Variants in KIF6 observed in about 807,000 individuals in gnomAD.
The protein encoded by KIF6 is kinesin-like protein KIF6.
A neutral mutation model predicts 112.7 loss-of-function variants in KIF6; 106 were observed. The observed-to-expected ratio is 0.94, with a 90% confidence interval of 0.80 to 1.11. KIF6 has a LOEUF of 1.11. Among genes scored for constraint, KIF6 ranks in the 50% least tolerant of loss-of-function variants. The pLI is 0.00. For missense variants in KIF6, 929 were observed against 964.0 expected, an observed-to-expected ratio of 0.96 and a Z score of 0.48; for synonymous variants, 339 against 339.9, an observed-to-expected ratio of 1.00 and a Z score of 0.03.
At chr6:39,634,129 A>C (rs1260456442) in intron 5 of KIF6, among the ~76,000 whole-genome samples, 1 of 152,170 alleles carries the variant, frequency 6.6e-6, no homozygotes, top group African/African-American at 2.4e-5. Flanking sequence ...TTTCTAAATT[A>C]GAGTATTTAA....
chr6:39,533,147 CAGACAGTGGGTGCA>C (rs1582067686), intron 13 of KIF6, among the ~76,000 whole-genome samples: 1 of 152,208 alleles, frequency 6.6e-6, no homozygotes, highest in East Asian at 1.9e-4. Flanking sequence ...TAGGGAGTGC[CAGACAGTGGGTGCA>C]AGACAGTGGG....
At chr6:39,442,707 T>A (rs1192182700) in intron 13 of KIF6, among the ~76,000 whole-genome samples, 1 of 152,164 alleles carries the variant, frequency 6.6e-6, no homozygotes, top group Non-Finnish European at 1.5e-5. Context: ...CCAGGCTCAA[T>A]ATTTGGACCA....
At chr6:39,720,192 C>T (rs1790125903) in intron 2 of KIF6, among the ~76,000 whole-genome samples, 1 of 152,062 alleles carries the variant, frequency 6.6e-6, no homozygotes, top group Non-Finnish European at 1.5e-5. Flanking sequence ...ATGTTTTATA[C>T]TTTACAGCAC....
At chr6:39,463,027 T>C (rs576148424) in intron 13 of KIF6, among the ~76,000 whole-genome samples, 1 of 152,296 alleles carries the variant, frequency 6.6e-6, no homozygotes, top group Non-Finnish European at 1.5e-5. Context: ...CCTAACTTTG[T>C]TCCATCAACA....
chr6:39,362,374 G>A (rs759803305), intron 17 of KIF6, 60 bp downstream of exon 17: 44 of 1,305,622 alleles, frequency 3.4e-5, no homozygotes, highest in Non-Finnish European at 4.8e-5. Context: ...GAAGCTCCAG[G>A]ACGACACTGA....
chr6:39,510,981 G>A (rs1399089269), intron 13 of KIF6, among the ~76,000 whole-genome samples: 3 of 149,198 alleles, frequency 2.0e-5, no homozygotes, highest in Non-Finnish European at 4.4e-5. Flanking sequence ...ATTACATAAT[G>A]ATAAAGGGAT....
At chr6:39,704,233 T>C (rs191062029) in intron 3 of KIF6, among the ~76,000 whole-genome samples, 19 of 152,336 alleles carry the variant, frequency 1.2e-4, no homozygotes, top group Middle Eastern at 6.8e-3. Context: ...CAATCACATA[T>C]ACTGGGGCAT....
At chr6:39,503,880 A>G (rs933744165) in intron 13 of KIF6, among the ~76,000 whole-genome samples, 1 of 150,930 alleles carries the variant, frequency 6.6e-6, no homozygotes, top group African/African-American at 2.4e-5. Context: ...AAGAAAAAAG[A>G]AAAAGCCCAG....
At chr6:39,450,559 C>A (rs539803089) in intron 13 of KIF6, among the ~76,000 whole-genome samples, 20 of 152,308 alleles carry the variant, frequency 1.3e-4, no homozygotes, top group Non-Finnish European at 2.5e-4. Context: ...AATCCCAGCA[C>A]TTTGGGAGGC....
chr6:39,471,240 G>A (rs543800336), intron 13 of KIF6, among the ~76,000 whole-genome samples: 1 of 152,098 alleles, frequency 6.6e-6, no homozygotes, highest in Non-Finnish European at 1.5e-5. Flanking sequence ...CCCAAAGAAG[G>A]TTCTACTGAA....
chr6:39,611,947 C>T (rs923024783), intron 6 of KIF6, among the ~76,000 whole-genome samples: 5 of 152,100 alleles, frequency 3.3e-5, no homozygotes, highest in Admixed American at 6.6e-5. Flanking sequence ...TTTAAAACTA[C>T]GTGAATGTTG....
At chr6:39,501,328 A>G (rs938603318) in intron 13 of KIF6, among the ~76,000 whole-genome samples, 2 of 152,240 alleles carry the variant, frequency 1.3e-5, no homozygotes, top group South Asian at 4.1e-4. Context: ...TCCAAAGGTC[A>G]GCAACCTCAA....
At chr6:39,535,835 T>C (rs1251216572) in intron 13 of KIF6, among the ~76,000 whole-genome samples, 1 of 151,956 alleles carries the variant, frequency 6.6e-6, no homozygotes, top group Non-Finnish European at 1.5e-5. Context: ...TCAGCAAATG[T>C]AAAAGAACAG....
chr6:39,596,084 A>G lies in KIF6; in HGVS notation c.816T>C (p.Tyr272=), dbSNP rs775455143. The part of the protein sequence containing the change: ...VGGHLLTEAK[Y]INLSLHYLEQ... ...CTAAGTAATGTAGTGACAAGTTGAT[A>G]TACTTGGCCTCTGTTAGAAGATGGC... The change falls in exon 7 of 23, where the codon TAT becomes TAC. Residue 272 remains tyrosine, a synonymous_variant. Coordinates refer to ENST00000287152, the MANE Select transcript of KIF6 (RefSeq NM_145027.6). The G allele has an allele frequency of 3.7e-6, 6 of 1,613,878 alleles. No homozygotes were observed. The highest frequency in any genetic ancestry group is 8.5e-7 in the Non-Finnish European group (1 of 1,179,934).
chr6:39,533,347 C>T (rs1383010065), intron 13 of KIF6, among the ~76,000 whole-genome samples: 1 of 152,200 alleles, frequency 6.6e-6, no homozygotes, highest in African/African-American at 2.4e-5. Context: ...AAACGGTGCA[C>T]CAGGAGATTA....
intron 16 of KIF6, among the ~76,000 whole-genome samples, chr6:39,380,764 G>A (rs764959697): frequency 1.2e-4 from 18 of 152,306 alleles, no homozygotes; most frequent in East Asian, 3.9e-4. Flanking sequence ...GAGAGGCACC[G>A]CAGCACCTCG....
chr6:39,668,398 A>C (rs938240762), intron 3 of KIF6, among the ~76,000 whole-genome samples: 1 of 152,208 alleles, frequency 6.6e-6, no homozygotes, highest in African/African-American at 2.4e-5. Flanking sequence ...ACTCAATTCA[A>C]CAAAAAGTAC....
chr6:39,507,120 T>C (rs1401116746), intron 13 of KIF6, among the ~76,000 whole-genome samples: 1 of 152,212 alleles, frequency 6.6e-6, no homozygotes. Context: ...GGTTAATTAA[T>C]CAAGTCACAA....
In KIF6 at chr6:39,358,183, T is replaced by A. The variant is rs569818153; in HGVS notation, c.2083-809A>T. 7.2e-4 allele frequency among the ~76,000 whole-genome samples: 109 copies of A among 152,340 alleles called. 1 individual carries two copies. The highest frequency in any genetic ancestry group is 2.5e-3 in the African/African-American group (102 of 41,584). ...TTGGCAGAATGCCCTGTAAGCCTCC[T>A]GGAACGTGAGTGCATACAGGAAGCT... On this transcript the variant is annotated intron_variant, in intron 18 of 22. Coordinates refer to ENST00000287152, the MANE Select transcript of KIF6 (RefSeq NM_145027.6).
Sources: allele counts gnomAD v4.1 joint callset (sites outside exome capture counted in the v4.1 genomes callset), GRCh38; gene constraint gnomAD v4.1.1; transcripts MANE v1.5; gene names NCBI Gene and HGNC (gene_info 2026-07-23, HGNC 2026-07-21).